The following GARRE1 variants were observed in gnomAD, a reference collection of about 807,000 sequenced individuals.
GARRE1 encodes granule associated Rac and RHOG effector 1.
In GARRE1, 49 loss-of-function variants were observed where a neutral mutation model predicts 103.2. That is an observed-to-expected ratio of 0.47 (90% CI 0.38 to 0.60). The LOEUF (loss-of-function observed/expected upper bound fraction) is 0.60. GARRE1 is among the 20% of genes least tolerant of loss of function. GARRE1 has a pLI of 0.00. For missense variants in GARRE1, 1,199 were observed against 1,370.5 expected (o/e 0.87, Z 1.98); for synonymous variants, 505 against 532.8 (o/e 0.95, Z 0.72).
At chr19:34,341,296 A>G (rs1347611689) in intron 9 of GARRE1, 126 bp from the exon 10 acceptor site, 3 of 736,810 alleles carry the variant, frequency 4.1e-6, no homozygotes, top group Non-Finnish European at 6.7e-6. Flanking sequence ...ATATAAAATA[A>G]GTGAACCCGA....
In GARRE1 at chr19:34,300,437, A is replaced by G. The variant is rs375199695; in HGVS notation, c.-37A>G. On this transcript the variant is annotated 5_prime_UTR_variant, in exon 2 of 14. Transcript: ENST00000299505. Reference sequence around the variant, plus strand: ...TTGAGAAAGAAGAATCAGAACCCTGACCCACTTACGGTTGCTGGGACAATT... The same window carrying G: ...TTGAGAAAGAAGAATCAGAACCCTGGCCCACTTACGGTTGCTGGGACAATT... 58 of 1,515,916 alleles carry G rather than the reference A, an allele frequency of 3.8e-5. No individual in the cohort carries two copies. Among genetic ancestry groups the G allele is most frequent in the Non-Finnish European group, 4.8e-5 (54 of 1,130,562 alleles). The allele number at this position is 1,515,916 out of a possible 1,614,324, so 93.9% of individuals were successfully genotyped here. A position where few individuals can be genotyped will look rare whatever the true frequency, so the allele number is the denominator to read the frequency against.
chr19:34,296,440 G>A (rs965575088), intron 1 of GARRE1: 10 of 1,588,032 alleles, frequency 6.3e-6, no homozygotes, highest in African/African-American at 2.7e-5. Context: ...CCAAGCTTGG[G>A]GTGGGCAATG....
chr19:34,316,276 C>T (rs535783931), intron 2 of GARRE1, among the ~76,000 whole-genome samples: 2 of 152,326 alleles, frequency 1.3e-5, no homozygotes, highest in African/African-American at 4.8e-5. Context: ...TAGAGCTTCA[C>T]TGGCATTTTA....
chr19:34,281,115 C>T (rs1301596261), intron 1 of GARRE1, among the ~76,000 whole-genome samples: 1 of 152,142 alleles, frequency 6.6e-6, no homozygotes, highest in Non-Finnish European at 1.5e-5. Flanking sequence ...AGTCAAAACA[C>T]GATTTTATTG....
chr19:34,255,828 A>G (rs1192556488), intron 1 of GARRE1, among the ~76,000 whole-genome samples: 1 of 151,260 alleles, frequency 6.6e-6, no homozygotes, highest in Non-Finnish European at 1.5e-5. Context: ...AAATTTACAA[A>G]TGGGGTCAAA....
At chr19:34,311,997 G>A (rs1239268717) in intron 2 of GARRE1, among the ~76,000 whole-genome samples, 1 of 151,782 alleles carries the variant, frequency 6.6e-6, no homozygotes, top group Non-Finnish European at 1.5e-5. Flanking sequence ...TATTTTTACT[G>A]TAGAGATGGA....
At chr19:34,328,586 CA>C (rs1253561041) in intron 6 of GARRE1, among the ~76,000 whole-genome samples, 1 of 151,180 alleles carries the variant, frequency 6.6e-6, no homozygotes, top group Non-Finnish European at 1.5e-5. Flanking sequence ...AGACATTTGC[CA>C]AGCAAGTTTT....
intron 1 of GARRE1, among the ~76,000 whole-genome samples, chr19:34,256,617 A>C (rs1335766693): frequency 6.6e-6 from 1 of 152,038 alleles, no homozygotes; most frequent in African/African-American, 2.4e-5. Flanking sequence ...GGTTTAAAAT[A>C]TGAAATATTT....
intron 1 of GARRE1, among the ~76,000 whole-genome samples, chr19:34,283,950 G>A (rs1171417174): frequency 6.8e-6 from 1 of 147,642 alleles, no homozygotes; most frequent in African/African-American, 2.5e-5. Flanking sequence ...TCCTGCCTCA[G>A]CCTCCCAAGT....
At chr19:34,338,108 G>T (rs549216348) in intron 8 of GARRE1, among the ~76,000 whole-genome samples, 1 of 152,190 alleles carries the variant, frequency 6.6e-6, no homozygotes, top group Non-Finnish European at 1.5e-5. Flanking sequence ...TCAAAGTCAT[G>T]TTAGGGAGTA....
rs530500205 is a variant in GARRE1 at position 34,287,243 on chromosome 19, G to C, written c.-795-12436G>C. Reference sequence around the variant, plus strand: ...AGTATTTAAATAGTCATTCCAGGAAGGGTGCTATCCTGATTCTAGTATCAG... The same window carrying C: ...AGTATTTAAATAGTCATTCCAGGAACGGTGCTATCCTGATTCTAGTATCAG... On this transcript the variant is annotated intron_variant, in intron 1 of 13. Coordinates refer to ENST00000299505, the MANE Select transcript of GARRE1 (RefSeq NM_014686.5). Among the ~76,000 whole-genome samples, 11 of 152,268 alleles carry C rather than the reference G, an allele frequency of 7.2e-5. No homozygotes were observed. In the South Asian group the frequency reaches 2.3e-3, roughly 32 times the overall value.
At chr19:34,335,972 A>AT (rs1386064845) in intron 8 of GARRE1, among the ~76,000 whole-genome samples, 1 of 151,816 alleles carries the variant, frequency 6.6e-6, no homozygotes, top group Non-Finnish European at 1.5e-5. Flanking sequence ...AAGTTCTTTT[A>AT]TTTTTTTAAA....
intron 1 of GARRE1, among the ~76,000 whole-genome samples, chr19:34,278,534 C>T (rs569747391): frequency 5.1e-4 from 77 of 150,670 alleles, no homozygotes; most frequent in Middle Eastern, 3.5e-3. Flanking sequence ...AACCTCTCTT[C>T]TACTTTTTGT....
intron 3 of GARRE1, among the ~76,000 whole-genome samples, chr19:34,326,689 CTTT>C: frequency 6.9e-6 from 1 of 144,560 alleles, no homozygotes; most frequent in African/African-American, 2.5e-5. Flanking sequence ...TATGTTCTTC[CTTT>C]TTTTTTTTAT....
intron 1 of GARRE1, among the ~76,000 whole-genome samples, chr19:34,260,041 C>G (rs544254700): frequency 1.3e-5 from 2 of 152,310 alleles, no homozygotes; most frequent in African/African-American, 4.8e-5. Context: ...AAGCCTCTTT[C>G]CTTTATAAAT....
chr19:34,328,274 G>A (rs1444480456), intron 6 of GARRE1, 123 bp downstream of exon 6: 84 of 1,091,532 alleles, frequency 7.7e-5, no homozygotes, highest in South Asian at 4.5e-4. Flanking sequence ...GGTGGCTCAC[G>A]CCTGTAATCC....
intron 7 of GARRE1, among the ~76,000 whole-genome samples, chr19:34,332,073 T>G (rs537960646): frequency 3.9e-5 from 6 of 152,214 alleles, no homozygotes; most frequent in African/African-American, 1.4e-4. Context: ...AAGAACTTGT[T>G]TTTTAGTCTG....
intron 3 of GARRE1, among the ~76,000 whole-genome samples, chr19:34,323,044 T>C (rs1233274066): frequency 7.3e-6 from 1 of 137,506 alleles, no homozygotes; most frequent in East Asian, 2.1e-4. Context: ...TTTTTTTTTT[T>C]TTTTTTGAGG....
At chr19:34,255,571 A>G (rs1293434473) in intron 1 of GARRE1, among the ~76,000 whole-genome samples, 1 of 152,098 alleles carries the variant, frequency 6.6e-6, no homozygotes, top group Admixed American at 6.5e-5. Context: ...TGTTATTTTT[A>G]TGGACTTTAC....
Sources: allele counts gnomAD v4.1 joint callset (sites outside exome capture counted in the v4.1 genomes callset), GRCh38; gene constraint gnomAD v4.1.1; transcripts MANE v1.5; gene names NCBI Gene and HGNC (gene_info 2026-07-23, HGNC 2026-07-21).